C16orf96: variants seen among roughly 807,000 people sequenced by gnomAD.
C16orf96 encodes uncharacterized protein C16orf96.
A neutral mutation model predicts 103.6 loss-of-function variants in C16orf96; 108 were observed. The ratio of observed to expected loss-of-function variants is 1.04; its 90% CI spans 0.89 to 1.22. C16orf96 has a LOEUF of 1.22. C16orf96 is among the 50% of genes most tolerant of loss of function. The pLI is 0.00. For missense variants in C16orf96, 1,586 were observed against 1,464.2 expected (o/e 1.08, Z -1.36); for synonymous variants, 566 against 593.5 (o/e 0.95, Z 0.67).
chr16:4,566,202 A>G (rs2059384085), intron 1 of C16orf96, among the ~76,000 whole-genome samples: 1 of 152,196 alleles, frequency 6.6e-6, no homozygotes, highest in Admixed American at 6.6e-5. Context: ...GAATATACCT[A>G]GGATTAGAAT....
Position 4,588,252 on chromosome 16 carries a change from G to T in C16orf96, c.2513G>T (p.Gly838Val), listed in dbSNP as rs865823630. ...VALELNEMIQGILFKVTIHED... is the reference protein window; with the variant it reads ...VALELNEMIQVILFKVTIHED... ...TTGGAGCTGAACGAGATGATTCAGG[G>T]CATACTCTTCAAGGTCACGATCCAT... The change falls in exon 9 of 16, where the codon GGC (glycine) becomes GTC (valine). Residue 838 changes from glycine (G) to valine (V), a missense_variant. Transcript: ENST00000444310. 1 of 1,551,696 alleles carries T rather than the reference G, an allele frequency of 6.4e-7. No individual in the cohort carries two copies. Among genetic ancestry groups the T allele is most frequent in the Non-Finnish European group, 8.7e-7 (1 of 1,147,002 alleles).
chr16:4,551,532 C>T (rs180839694), upstream of C16orf96, among the ~76,000 whole-genome samples: 10 of 152,202 alleles, frequency 6.6e-5, no homozygotes, highest in East Asian at 3.9e-4. Flanking sequence ...GCTCACTGCA[C>T]GCTCCGCCTC....
rs557073095 is a variant in C16orf96, at chr16:4,591,516, G to T, written c.2593-150G>T. The T allele has an allele frequency of 2.9e-4, 191 of 657,156 alleles. No individual in the cohort carries two copies. In the African/African-American group the frequency reaches 2.9e-3, roughly 10 times the overall value. 40.7% of individuals were successfully genotyped at this position (657,156 alleles called of 1,614,324 possible). On this transcript the variant is annotated intron_variant, in intron 9 of 15. Coordinates refer to ENST00000444310, the MANE Select transcript of C16orf96 (RefSeq NM_001145011.2). ...AGGGGTTGAGCCTCATCGAAGCTGT[G>T]TCATTTTCCCTTTCCTGGACTCCCT...
chr16:4,552,351 A>G (rs1200134609), upstream of C16orf96, among the ~76,000 whole-genome samples: 2 of 151,928 alleles, frequency 1.3e-5, no homozygotes, highest in East Asian at 1.9e-4. Context: ...GCATGGTAGC[A>G]TGTGCCTGTC....
the C16orf96 span, among the ~76,000 whole-genome samples, chr16:4,546,321 G>C: frequency 6.6e-6 from 1 of 151,956 alleles, no homozygotes; most frequent in African/African-American, 2.4e-5. Context: ...ACCGCGCCCA[G>C]CTAATTTTTT....
the C16orf96 span, among the ~76,000 whole-genome samples, chr16:4,547,019 G>T: frequency 6.6e-6 from 1 of 151,958 alleles, no homozygotes; most frequent in Non-Finnish European, 1.5e-5. Flanking sequence ...GTAACTCCTG[G>T]GCTCAAGCTA....
intron 8 of C16orf96, among the ~76,000 whole-genome samples, chr16:4,587,804 A>C (rs1172734053): frequency 1.3e-5 from 2 of 151,986 alleles, no homozygotes; most frequent in Non-Finnish European, 2.9e-5. Flanking sequence ...GGCATGATGG[A>C]ACATGCCTGT....
At chr16:4,599,477 C>T in intron 15 of C16orf96, 113 bp downstream of exon 15, 2 of 893,092 alleles carry the variant, frequency 2.2e-6, no homozygotes, top group South Asian at 3.0e-5. Flanking sequence ...TCCACCTCCT[C>T]CACCTCCTGC....
chr16:4,551,975 ATTG>A (rs2059230699), upstream of C16orf96, among the ~76,000 whole-genome samples: 1 of 150,794 alleles, frequency 6.6e-6, no homozygotes, highest in African/African-American at 2.4e-5. Context: ...ATGTGTTCTC[ATTG>A]TTCACCTCCC....
upstream of C16orf96, among the ~76,000 whole-genome samples, chr16:4,551,435 T>A (rs530788293): frequency 2.6e-5 from 4 of 152,266 alleles, no homozygotes; most frequent in East Asian, 7.7e-4. Context: ...ATTTGTTTAC[T>A]CCATTTCGGG....
chr16:4,594,790 A>G lies in C16orf96; in HGVS notation c.3114A>G (p.Ala1038=). Reference sequence around the variant, plus strand: ...GTGGGGCTCAGCCCTTGGCCGTCGCAAAGGAGCTGGCAGGTGAGGGGCGTA... The same window carrying G: ...GTGGGGCTCAGCCCTTGGCCGTCGCGAAGGAGCTGGCAGGTGAGGGGCGTA... ...SQRGAQPLAV[A]KELAAVKAPS... is the part of the protein sequence containing the mutation. The change falls in exon 14 of 16, where the codon GCA becomes GCG. Residue 1038 remains alanine (A), a synonymous_variant. Coordinates refer to ENST00000444310, the MANE Select transcript of C16orf96 (RefSeq NM_001145011.2). The G allele has an allele frequency of 6.4e-7, 1 of 1,550,528 alleles. No homozygotes were observed. Among genetic ancestry groups the G allele is most frequent in the Non-Finnish European group, 8.7e-7 (1 of 1,146,850 alleles).
At chr16:4,565,208 C>T (rs1476255663) in intron 1 of C16orf96, among the ~76,000 whole-genome samples, 6 of 152,078 alleles carry the variant, frequency 3.9e-5, no homozygotes, top group African/African-American at 7.2e-5. Context: ...AGCCCTGCCT[C>T]GAGGACTATG....
intron 1 of C16orf96, among the ~76,000 whole-genome samples, chr16:4,571,163 G>C (rs1385825367): frequency 6.6e-6 from 1 of 152,142 alleles, no homozygotes; most frequent in African/African-American, 2.4e-5. Flanking sequence ...TCCAGCCTGA[G>C]CCACAGAGTG....
At chr16:4,563,114 C>G (rs2059349745) in intron 1 of C16orf96, 3 of 772,664 alleles carry the variant, frequency 3.9e-6, no homozygotes, top group Admixed American at 2.0e-5. Flanking sequence ...TTGCTTTTTC[C>G]TCTTTAAGTT....
At chr16:4,569,545 G>T (rs2059414621) in intron 1 of C16orf96, among the ~76,000 whole-genome samples, 1 of 151,836 alleles carries the variant, frequency 6.6e-6, no homozygotes, top group Non-Finnish European at 1.5e-5. Context: ...TTGAGGTCAG[G>T]AGTTTGAGAT....
At chr16:4,577,599 C>T (rs562390781) in intron 5 of C16orf96, among the ~76,000 whole-genome samples, 9 of 150,694 alleles carry the variant, frequency 6.0e-5, no homozygotes, top group South Asian at 4.2e-4. Flanking sequence ...TGCAGTGAGC[C>T]GAGATCGTGC....
At chr16:4,569,882 C>G (rs1386018073) in intron 1 of C16orf96, among the ~76,000 whole-genome samples, 2 of 152,080 alleles carry the variant, frequency 1.3e-5, no homozygotes, top group Non-Finnish European at 2.9e-5. Flanking sequence ...AGCTCAGTCT[C>G]ACCAGGAGGA....
chr16:4,567,582 C>T (rs1404208000), intron 1 of C16orf96, among the ~76,000 whole-genome samples: 1 of 150,898 alleles, frequency 6.6e-6, no homozygotes, highest in Non-Finnish European at 1.5e-5. Context: ...CGCGCCCGGC[C>T]TTCTTTGACA....
intron 5 of C16orf96, among the ~76,000 whole-genome samples, chr16:4,577,605 C>G (rs188762394): frequency 1.3e-5 from 2 of 150,014 alleles, no homozygotes; most frequent in Non-Finnish European, 3.0e-5. Flanking sequence ...GAGCCGAGAT[C>G]GTGCCACTGC....
Sources: allele counts gnomAD v4.1 joint callset (sites outside exome capture counted in the v4.1 genomes callset), GRCh38; gene constraint gnomAD v4.1.1; transcripts MANE v1.5; gene names NCBI Gene and HGNC (gene_info 2026-07-23, HGNC 2026-07-21).